The following FSTL5 variants were observed in gnomAD, a reference collection of about 807,000 sequenced individuals.
FSTL5 encodes the protein follistatin like 5, also known as follistatin-related protein 5.
FSTL5 carries 62 observed loss-of-function variants against 89.1 expected under a neutral mutation model. The ratio of observed to expected loss-of-function variants is 0.70; its 90% CI spans 0.57 to 0.86. The LOEUF (loss-of-function observed/expected upper bound fraction) is 0.86, where lower values mean the gene tolerates loss of function less well. Among genes scored for constraint, FSTL5 ranks in the 40% least tolerant of loss-of-function variants. The pLI, the probability that FSTL5 is intolerant of heterozygous loss-of-function variation, is 0.00. For synonymous variants in FSTL5, 383 were observed against 346.2 expected (o/e 1.11, Z -1.18); for missense variants, 1,057 against 1,001.6 (o/e 1.06, Z -0.75).
intron 13 of FSTL5, among the ~76,000 whole-genome samples, chr4:161,470,229 C>T (rs904074083): frequency 6.6e-6 from 1 of 152,154 alleles, no homozygotes; most frequent in African/African-American, 2.4e-5. Context: ...AAATTTTGCA[C>T]CTGAAATTTA....
intron 13 of FSTL5, among the ~76,000 whole-genome samples, chr4:161,470,193 T>G (rs4691767): frequency 0.8 from 122,263 of 151,946 alleles, 49,303 homozygotes; most frequent in East Asian, 0.95. Flanking sequence ...ATAGCATAAA[T>G]TTTTTGCTCT....
intron 15 of FSTL5, among the ~76,000 whole-genome samples, chr4:161,442,788 C>T (rs1027885951): frequency 1.2e-4 from 18 of 152,036 alleles, no homozygotes; most frequent in Middle Eastern, 3.4e-3. Context: ...TGCAATCAAA[C>T]CAAACTAGTG....
chr4:162,124,760 T>C (rs1195424150), intron 1 of FSTL5, among the ~76,000 whole-genome samples: 5 of 152,230 alleles, frequency 3.3e-5, no homozygotes, highest in Admixed American at 6.5e-5. Context: ...AGTGCAGTGG[T>C]GCGATCTCAG....
intron 10 of FSTL5, among the ~76,000 whole-genome samples, chr4:161,527,935 C>T (rs1202960669): frequency 2.0e-5 from 3 of 149,252 alleles, no homozygotes; most frequent in Non-Finnish European, 4.5e-5. Flanking sequence ...GAAAATGTGG[C>T]ACATATACAC....
At chr4:161,900,638 C>CAA (rs58702301) in intron 4 of FSTL5, among the ~76,000 whole-genome samples, 705 of 64,304 alleles carry the variant, frequency 0.011, 16 homozygotes, top group African/African-American at 0.041. Context: ...GACTCCATCT[C>CAA]AAAAAAAAAA....
At chr4:162,125,765 G>T (rs944353302) in intron 1 of FSTL5, among the ~76,000 whole-genome samples, 1 of 151,894 alleles carries the variant, frequency 6.6e-6, no homozygotes, top group Non-Finnish European at 1.5e-5. Flanking sequence ...AGTGTATAAA[G>T]TTGTTTTTTT....
At chr4:161,491,568 T>C (rs1294120163) in intron 12 of FSTL5, among the ~76,000 whole-genome samples, 4 of 152,010 alleles carry the variant, frequency 2.6e-5, no homozygotes, top group Non-Finnish European at 5.9e-5. Context: ...AGGCTGGGCA[T>C]GGTGGCTCAT....
At chr4:161,846,097 G>T (rs908294162) in intron 4 of FSTL5, among the ~76,000 whole-genome samples, 7 of 151,068 alleles carry the variant, frequency 4.6e-5, no homozygotes, top group Non-Finnish European at 1.5e-5. Context: ...GTGTGTGTTT[G>T]TGTGTGTGTG....
At chr4:161,684,775 T>A (rs1237858416) in intron 6 of FSTL5, among the ~76,000 whole-genome samples, 1 of 152,180 alleles carries the variant, frequency 6.6e-6, no homozygotes. Context: ...TATAATTAGG[T>A]CCCAGCAATT....
chr4:162,071,972 G>A (rs1729643536), intron 2 of FSTL5, among the ~76,000 whole-genome samples: 1 of 151,504 alleles, frequency 6.6e-6, no homozygotes, highest in Admixed American at 6.6e-5. Context: ...CAAACATTAG[G>A]TGCTAATTGG....
chr4:161,997,571 T>C (rs1578931854), intron 3 of FSTL5, among the ~76,000 whole-genome samples: 1 of 151,928 alleles, frequency 6.6e-6, no homozygotes, highest in East Asian at 1.9e-4. Flanking sequence ...TTATATGAAA[T>C]ATGCATGTGC....
intron 9 of FSTL5, among the ~76,000 whole-genome samples, chr4:161,541,878 G>T (rs1444477234): frequency 1.3e-5 from 2 of 151,786 alleles, no homozygotes; most frequent in Non-Finnish European, 1.5e-5. Context: ...ATATGCAACT[G>T]CTTTTAGACT....
intron 13 of FSTL5, among the ~76,000 whole-genome samples, chr4:161,477,143 A>ATT (rs146139397): frequency 3.3e-5 from 5 of 151,250 alleles, no homozygotes; most frequent in African/African-American, 1.2e-4. Context: ...TTTTATAATT[A>ATT]TTTTTTAAAT....
At chr4:161,630,983 G>A (rs965806360) in intron 7 of FSTL5, among the ~76,000 whole-genome samples, 1 of 152,076 alleles carries the variant, frequency 6.6e-6, no homozygotes, top group Non-Finnish European at 1.5e-5. Flanking sequence ...TTCTCATAAT[G>A]TAATTGTTCA....
intron 9 of FSTL5, among the ~76,000 whole-genome samples, chr4:161,541,804 G>C (rs1731826912): frequency 6.6e-6 from 1 of 151,718 alleles, no homozygotes; most frequent in Non-Finnish European, 1.5e-5. Flanking sequence ...AGTGTTGTGT[G>C]TTACCCCTAA....
chr4:161,410,912 A>G (rs1731562664), intron 15 of FSTL5, among the ~76,000 whole-genome samples: 1 of 151,116 alleles, frequency 6.6e-6, no homozygotes, highest in Non-Finnish European at 1.5e-5. Flanking sequence ...AAATGTAAAA[A>G]TTCATATGAA....
intron 4 of FSTL5, among the ~76,000 whole-genome samples, chr4:161,851,876 C>G (rs1254083583): frequency 7.4e-6 from 1 of 134,648 alleles, no homozygotes; most frequent in Non-Finnish European, 1.6e-5. Flanking sequence ...AAGGAAAACC[C>G]AATTGATCTC....
intron 6 of FSTL5, among the ~76,000 whole-genome samples, chr4:161,680,921 C>A (rs1390358325): frequency 5.3e-5 from 8 of 151,898 alleles, no homozygotes. Context: ...TTTGTAAGTT[C>A]CTTTTTGGTA....
chr4:161,815,143 C>T (rs912534388), intron 4 of FSTL5, among the ~76,000 whole-genome samples: 4 of 151,720 alleles, frequency 2.6e-5, no homozygotes, highest in East Asian at 1.9e-4. Flanking sequence ...TTAACAAGTC[C>T]GTATCATTTC....
Sources: gnomAD v4.1 joint callset for allele counts (sites outside exome capture counted in the v4.1 genomes callset) on GRCh38, gnomAD v4.1.1 for gene constraint, MANE v1.5 for transcripts, NCBI Gene and HGNC (gene_info 2026-07-23, HGNC 2026-07-21) for gene names.